PLGRKT: variants seen among roughly 807,000 people sequenced by gnomAD.
The protein encoded by PLGRKT is plasminogen receptor (KT).
Under a neutral mutation model 18.5 loss-of-function variants are expected in PLGRKT, and 22 were observed. The ratio of observed to expected loss-of-function variants is 1.19; its 90% CI spans 0.85 to 1.70. The LOEUF (loss-of-function observed/expected upper bound fraction) is 1.70, where lower values mean the gene tolerates loss of function less well. Among genes scored for constraint, PLGRKT ranks in the 40% most tolerant of loss-of-function variants. The pLI is 0.00. For synonymous variants in PLGRKT, 72 were observed against 52.8 expected, an observed-to-expected ratio of 1.36 and a Z score of -1.58; for missense variants, 235 against 174.4, an observed-to-expected ratio of 1.35 and a Z score of -1.96.
At chr9:5,403,343 C>G (rs1818193237) in intron 3 of PLGRKT, among the ~76,000 whole-genome samples, 11 of 149,594 alleles carry the variant, frequency 7.4e-5, no homozygotes, top group Admixed American at 7.3e-4. Flanking sequence ...CCTACCTCAG[C>G]CTCCTGAGTA....
chr9:5,359,140 G>A (rs1586694771), intron 5 of PLGRKT, among the ~76,000 whole-genome samples: 2 of 151,158 alleles, frequency 1.3e-5, no homozygotes, highest in Non-Finnish European at 2.9e-5. Context: ...TCAGCTCACT[G>A]CAGCCTCTGT....
intron 3 of PLGRKT, among the ~76,000 whole-genome samples, chr9:5,391,332 C>T (rs757450617): frequency 6.6e-6 from 1 of 151,796 alleles, no homozygotes; most frequent in Non-Finnish European, 1.5e-5. Flanking sequence ...AAAACATTGC[C>T]GGGGAAATAA....
At chr9:5,404,978 C>A (rs1387254943) in intron 3 of PLGRKT, among the ~76,000 whole-genome samples, 1 of 152,058 alleles carries the variant, frequency 6.6e-6, no homozygotes, top group South Asian at 2.1e-4. Context: ...TTCCTATATA[C>A]CAACAATAGA....
chr9:5,401,190 C>A (rs1302312595), intron 3 of PLGRKT, among the ~76,000 whole-genome samples: 1 of 151,682 alleles, frequency 6.6e-6, no homozygotes, highest in Non-Finnish European at 1.5e-5. Flanking sequence ...ACCCAGTCTA[C>A]ACAAGACACA....
intron 3 of PLGRKT, among the ~76,000 whole-genome samples, chr9:5,421,442 C>T (rs1818573757): frequency 6.6e-6 from 1 of 152,220 alleles, no homozygotes; most frequent in African/African-American, 2.4e-5. Flanking sequence ...TCACCACTAA[C>T]ACTCTGTGTT....
rs531119938 is a variant in PLGRKT at position 5,409,964 on chromosome 9, G to C, written c.81+21933C>G. On this transcript the variant is annotated intron_variant, in intron 3 of 5. Transcript: ENST00000223864. ...TTCTTATCTAAGAACAAGCATAGGA[G>C]AAGTGGGACCTGGAGAAATTTTTAC... is the stretch of plus-strand genomic sequence containing the variant. 1.8e-3 allele frequency among the ~76,000 whole-genome samples: 267 copies of C among 152,270 alleles called. 1 individual carries two copies. Among genetic ancestry groups the C allele is most frequent in the African/African-American group, 6.1e-3 (253 of 41,544 alleles).
intron 3 of PLGRKT, among the ~76,000 whole-genome samples, chr9:5,381,242 G>C (rs1034874791): frequency 3.3e-5 from 5 of 152,216 alleles, no homozygotes; most frequent in Non-Finnish European, 7.3e-5. Context: ...AGAGCTGTTC[G>C]TGGCAGCCCC....
At chr9:5,401,415 T>C (rs181633065) in intron 3 of PLGRKT, among the ~76,000 whole-genome samples, 20 of 152,000 alleles carry the variant, frequency 1.3e-4, no homozygotes, top group African/African-American at 4.6e-4. Flanking sequence ...AAATATACAA[T>C]AGAACAAACA....
chr9:5,414,929 G>A (rs1015422146), intron 3 of PLGRKT, among the ~76,000 whole-genome samples: 3 of 152,136 alleles, frequency 2.0e-5, no homozygotes, highest in African/African-American at 7.2e-5. Flanking sequence ...TACACAGATA[G>A]GTAGATATAG....
intron 3 of PLGRKT, among the ~76,000 whole-genome samples, chr9:5,362,949 G>C (rs546347997): frequency 1.3e-5 from 2 of 152,148 alleles, no homozygotes; most frequent in Admixed American, 1.3e-4. Flanking sequence ...ATGGTTTCAG[G>C]GCAGACCTTG....
chr9:5,422,476 T>A (rs542948072), intron 3 of PLGRKT, among the ~76,000 whole-genome samples: 1 of 152,168 alleles, frequency 6.6e-6, no homozygotes, highest in Admixed American at 6.5e-5. Flanking sequence ...ATAGAACAGA[T>A]GAGCTGGTTT....
At chr9:5,410,613 G>T (rs909997590) in intron 3 of PLGRKT, among the ~76,000 whole-genome samples, 1 of 152,126 alleles carries the variant, frequency 6.6e-6, no homozygotes. Context: ...GCAGGGTTGG[G>T]AAAATTATGT....
intron 3 of PLGRKT, among the ~76,000 whole-genome samples, chr9:5,366,108 A>T (rs1352742701): frequency 2.6e-5 from 4 of 152,190 alleles, no homozygotes; most frequent in Non-Finnish European, 5.9e-5. Context: ...TTAAATTCAT[A>T]GGTCTATATC....
At chr9:5,372,331 G>A (rs1050212497) in intron 3 of PLGRKT, among the ~76,000 whole-genome samples, 1 of 152,092 alleles carries the variant, frequency 6.6e-6, no homozygotes, top group African/African-American at 2.4e-5. Context: ...CATGTGCACA[G>A]TATATGCAAG....
chr9:5,364,827 G>GGGAGATTAC (rs1371912222), intron 3 of PLGRKT, among the ~76,000 whole-genome samples: 4 of 152,256 alleles, frequency 2.6e-5, no homozygotes, highest in African/African-American at 9.6e-5. Context: ...TTATTAAACA[G>GGGAGATTAC]GGAGATTACA....
At chr9:5,387,422 A>G (rs968620158) in intron 3 of PLGRKT, among the ~76,000 whole-genome samples, 1 of 151,982 alleles carries the variant, frequency 6.6e-6, no homozygotes, top group Non-Finnish European at 1.5e-5. Context: ...AGCAGAATGG[A>G]TAATTATGGT....
chr9:5,399,711 A>C (rs1314795672), intron 3 of PLGRKT, among the ~76,000 whole-genome samples: 1 of 151,848 alleles, frequency 6.6e-6, no homozygotes, highest in Non-Finnish European at 1.5e-5. Flanking sequence ...TACGCAGGCC[A>C]GGCACGGTGG....
At chr9:5,429,118 T>G (rs1818763515) in intron 3 of PLGRKT, among the ~76,000 whole-genome samples, 1 of 152,210 alleles carries the variant, frequency 6.6e-6, no homozygotes, top group Admixed American at 6.5e-5. Context: ...TTCAAGATAC[T>G]GTGATGTGTG....
At chr9:5,359,631 A>G (rs1179163241) in intron 5 of PLGRKT, among the ~76,000 whole-genome samples, 2 of 152,222 alleles carry the variant, frequency 1.3e-5, no homozygotes, top group African/African-American at 4.8e-5. Flanking sequence ...TGTATATTTT[A>G]GGGTCATCAC....
Sources: gnomAD v4.1 joint callset for allele counts (sites outside exome capture counted in the v4.1 genomes callset) on GRCh38, gnomAD v4.1.1 for gene constraint, MANE v1.5 for transcripts, NCBI Gene and HGNC (gene_info 2026-07-23, HGNC 2026-07-21) for gene names.